RMST: variants seen among roughly 807,000 people sequenced by gnomAD.
The protein encoded by RMST is long intergenic non-protein coding RNA 54.
chr12:97,492,786 C>G (rs1431103902), intron 6 of RMST: 1 of 152,058 alleles, frequency 6.6e-6, no homozygotes, highest in Non-Finnish European at 1.5e-5. Context: ...AGTTTACTCC[C>G]TTGAAGGTCC....
chr12:97,472,536 T>G (rs1874050142), intron 5 of RMST, among the ~76,000 whole-genome samples: 1 of 152,150 alleles, frequency 6.6e-6, no homozygotes, highest in Non-Finnish European at 1.5e-5. Flanking sequence ...GTCCAGTCCG[T>G]GACAATTAAC....
intron 11 of RMST, among the ~76,000 whole-genome samples, chr12:97,536,635 A>G (rs1214147410): frequency 6.6e-6 from 1 of 151,524 alleles, no homozygotes; most frequent in Non-Finnish European, 1.5e-5. Context: ...AGATAAAAGT[A>G]GGGACACTGA....
intron 5 of RMST, among the ~76,000 whole-genome samples, chr12:97,483,117 A>G (rs1046878588): frequency 6.6e-6 from 1 of 152,086 alleles, no homozygotes; most frequent in African/African-American, 2.4e-5. Context: ...TCAGACCCGA[A>G]TTTTTAGTTT....
Position 97,546,593 on chromosome 12 carries a change from A to G in RMST, n.1546-13944A>G, listed in dbSNP as rs145063818. Among the ~76,000 whole-genome samples the G allele has an allele frequency of 1.1e-4, 17 of 152,222 alleles. 1 individual carries two copies. In the East Asian group the frequency reaches 3.3e-3, roughly 30 times the overall value. ...CAAGACTCCATCTTGTAAGAAAATA[A>G]TAATAAAAAAATCAAGGAAATGTTG... On this transcript the variant is annotated intron_variant and non_coding_transcript_variant, in intron 11 of 13. Transcript: ENST00000640149.
intron 11 of RMST, among the ~76,000 whole-genome samples, chr12:97,551,367 C>A (rs961081688): frequency 1.3e-5 from 2 of 151,836 alleles, no homozygotes; most frequent in Non-Finnish European, 2.9e-5. Context: ...ATAGGAGAAG[C>A]AAAAGGGAAA....
intron 11 of RMST, among the ~76,000 whole-genome samples, chr12:97,542,410 C>T (rs544697838): frequency 2.0e-5 from 3 of 151,788 alleles, no homozygotes; most frequent in Admixed American, 1.3e-4. Context: ...TTGGCCTGGA[C>T]TCTACAGGTG....
At chr12:97,533,949 A>G (rs1340797119) in intron 11 of RMST, among the ~76,000 whole-genome samples, 1 of 151,820 alleles carries the variant, frequency 6.6e-6, no homozygotes, top group Non-Finnish European at 1.5e-5. Flanking sequence ...AAGCCTGTGA[A>G]GAAAGTCAAA....
At chr12:97,531,449 G>A (rs1292180617) in intron 11 of RMST, among the ~76,000 whole-genome samples, 2 of 151,926 alleles carry the variant, frequency 1.3e-5, no homozygotes, top group Non-Finnish European at 2.9e-5. Flanking sequence ...GACTATTTAC[G>A]TGTATTTTCT....
intron 10 of RMST, among the ~76,000 whole-genome samples, chr12:97,524,960 T>G (rs1033670744): frequency 3.3e-5 from 5 of 152,372 alleles, no homozygotes; most frequent in African/African-American, 1.2e-4. Context: ...TTGTGTATTA[T>G]GTGCCATGTG....
chr12:97,522,824 A>G (rs924510606), intron 10 of RMST, among the ~76,000 whole-genome samples: 4 of 152,212 alleles, frequency 2.6e-5, no homozygotes, highest in African/African-American at 9.6e-5. Context: ...AAAAGCCTGA[A>G]AAAACAAAAC....
At chr12:97,559,172 G>T (rs1431361239) in intron 11 of RMST, among the ~76,000 whole-genome samples, 1 of 151,616 alleles carries the variant, frequency 6.6e-6, no homozygotes, top group Admixed American at 6.6e-5. Context: ...TCAGTTTAGG[G>T]TTCATGAATG....
At chr12:97,487,109 T>C (rs1876198975) in intron 5 of RMST, among the ~76,000 whole-genome samples, 1 of 152,194 alleles carries the variant, frequency 6.6e-6, no homozygotes, top group African/African-American at 2.4e-5. Context: ...ATTTCCAGTT[T>C]CACCACAGAA....
intron 10 of RMST, among the ~76,000 whole-genome samples, chr12:97,520,919 T>C (rs1880447056): frequency 6.6e-6 from 1 of 152,210 alleles, no homozygotes; most frequent in Non-Finnish European, 1.5e-5. Flanking sequence ...AGTGAGAAAG[T>C]CTGAGTTGCA....
chr12:97,558,839 G>C (rs1018123725), intron 11 of RMST, among the ~76,000 whole-genome samples: 3 of 152,148 alleles, frequency 2.0e-5, no homozygotes, highest in Non-Finnish European at 4.4e-5. Flanking sequence ...ACTGAGGCCA[G>C]CAACCTGATG....
At chr12:97,535,853 C>T (rs539527888) in intron 11 of RMST, among the ~76,000 whole-genome samples, 1 of 151,678 alleles carries the variant, frequency 6.6e-6, no homozygotes, top group African/African-American at 2.4e-5. Flanking sequence ...CACTGGGTCA[C>T]CCATGCAATG....
chr12:97,497,453 T>A (rs1445273775), intron 10 of RMST, among the ~76,000 whole-genome samples: 1 of 152,202 alleles, frequency 6.6e-6, no homozygotes, highest in Non-Finnish European at 1.5e-5. Flanking sequence ...ATTTCAAAGT[T>A]GCCATGCACT....
intron 10 of RMST, among the ~76,000 whole-genome samples, chr12:97,503,163 G>A (rs1273658802): frequency 6.6e-6 from 1 of 152,116 alleles, no homozygotes; most frequent in Non-Finnish European, 1.5e-5. Flanking sequence ...CTTAGCATCT[G>A]TTGATTATTT....
At chr12:97,528,614 A>C (rs1005547983) in intron 10 of RMST, among the ~76,000 whole-genome samples, 11 of 152,174 alleles carry the variant, frequency 7.2e-5, no homozygotes, top group Admixed American at 7.2e-4. Context: ...GTCTACTTTG[A>C]ACTCTTTAGG....
At chr12:97,499,618 CT>C (rs1193268196) in intron 10 of RMST, among the ~76,000 whole-genome samples, 1 of 147,980 alleles carries the variant, frequency 6.8e-6, no homozygotes, top group Non-Finnish European at 1.5e-5. Flanking sequence ...ATGTTTTCTT[CT>C]TTTTCTTTTT....
Sources: allele counts gnomAD v4.1 joint callset (sites outside exome capture counted in the v4.1 genomes callset), GRCh38; gene constraint gnomAD v4.1.1; transcripts MANE v1.5; gene names NCBI Gene and HGNC (gene_info 2026-07-23, HGNC 2026-07-21).